Variants in KIF21A observed in about 807,000 individuals in gnomAD.
The protein encoded by KIF21A is kinesin family member 21A, also known as kinesin-like protein KIF21A.
Under a neutral mutation model 202.9 loss-of-function variants are expected in KIF21A, and 114 were observed. The observed-to-expected ratio is 0.56, with a 90% CI of 0.48 to 0.66. The LOEUF (loss-of-function observed/expected upper bound fraction) is 0.66. Among genes scored for constraint, KIF21A ranks in the 30% least tolerant of loss-of-function variants. The pLI is 0.00. For synonymous variants in KIF21A, 667 were observed against 670.8 expected (o/e 0.99, Z 0.09); for missense variants, 1,677 against 1,994.9 (o/e 0.84, Z 3.04).
At chr12:39,318,346 C>A in intron 28 of KIF21A, 145 bp from the exon 29 acceptor site, 1 of 759,130 alleles carries the variant, frequency 1.3e-6, no homozygotes, top group South Asian at 1.7e-5. Flanking sequence ...AGATAAAATG[C>A]ATTCTGAACA....
chr12:39,327,227 G>T (rs1946039940), intron 24 of KIF21A, among the ~76,000 whole-genome samples: 1 of 152,074 alleles, frequency 6.6e-6, no homozygotes, highest in Non-Finnish European at 1.5e-5. Flanking sequence ...GGTAGGCTAT[G>T]GCACCATTAG....
rs1156718883 is a variant in KIF21A at position 39,442,499 on chromosome 12, C to T, written c.44+428G>A. On this transcript the variant is annotated intron_variant, in intron 1 of 37. Transcript: ENST00000361418. The surrounding 1 kb of genome is among the most constrained non-coding windows in gnomAD (Gnocchi z 5.0). Reference sequence around the variant, plus strand: ...TGGGAAGGCCGGAGCTGCATGGACACGTATGACAGACATTCTAGAACTAAT... The same window carrying T: ...TGGGAAGGCCGGAGCTGCATGGACATGTATGACAGACATTCTAGAACTAAT... 6.6e-6 allele frequency among the ~76,000 whole-genome samples: 1 copy of T among 152,122 alleles called. No individual in the cohort carries two copies. Among genetic ancestry groups the T allele is most frequent in the Non-Finnish European group, 1.5e-5 (1 of 68,018 alleles).
In KIF21A at chr12:39,332,669, A is replaced by G; in HGVS notation, c.2778T>C (p.Leu926=). 1 of 1,614,082 alleles carries G rather than the reference A, an allele frequency of 6.2e-7. No individual in the cohort carries two copies. Among genetic ancestry groups the G allele is most frequent in the Admixed American group, 1.7e-5 (1 of 60,004 alleles). The change falls in exon 20 of 38, where the codon CTT becomes CTC. Residue 926 remains leucine, a synonymous_variant. Coordinates refer to ENST00000361418, the MANE Select transcript of KIF21A (RefSeq NM_001173464.2). Reference sequence around the variant, plus strand: ...TGATGATGTCTGTGACCCTGCGCTCAAGGAGCTGCCACTTCATGCGAGCTG... The same window carrying G: ...TGATGATGTCTGTGACCCTGCGCTCGAGGAGCTGCCACTTCATGCGAGCTG... The part of the protein sequence containing the change: ...SKTARMKWQL[L]ERRVTDIIMQ...
chr12:39,426,338 C>T lies in KIF21A; in HGVS notation c.44+16589G>A, dbSNP rs558728962. Among the ~76,000 whole-genome samples the T allele has an allele frequency of 1.1e-4, 17 of 152,200 alleles. 1 individual carries two copies. Among genetic ancestry groups the T allele is most frequent in the African/African-American group, 2.2e-4 (9 of 41,538 alleles). ...ATACACACATGTACACGCATGTATGCGTGTACTCATATCCTTGTATGTGTG... is the reference window on the plus strand; with the variant it reads ...ATACACACATGTACACGCATGTATGTGTGTACTCATATCCTTGTATGTGTG... On this transcript the variant is annotated intron_variant, in intron 1 of 37. Coordinates refer to ENST00000361418, the MANE Select transcript of KIF21A (RefSeq NM_001173464.2).
At chr12:39,427,359 T>C (rs1235857156) in intron 1 of KIF21A, among the ~76,000 whole-genome samples, 1 of 152,206 alleles carries the variant, frequency 6.6e-6, no homozygotes, top group East Asian at 1.9e-4. Flanking sequence ...AGCTGTACTT[T>C]CCAAAATGCC....
chr12:39,325,317 A>G (rs564602507), intron 26 of KIF21A, among the ~76,000 whole-genome samples: 1 of 148,730 alleles, frequency 6.7e-6, no homozygotes, highest in South Asian at 2.1e-4. Flanking sequence ...GTAAAGCCCA[A>G]TTTCCACCAA....
At chr12:39,295,494 C>CA (rs1336400174) in intron 37 of KIF21A, among the ~76,000 whole-genome samples, 1 of 152,044 alleles carries the variant, frequency 6.6e-6, no homozygotes, top group Non-Finnish European at 1.5e-5. Flanking sequence ...TGTAACACAG[C>CA]AAAGGCTTTC....
chr12:39,431,698 A>T (rs950858765), intron 1 of KIF21A, among the ~76,000 whole-genome samples: 2 of 152,240 alleles, frequency 1.3e-5, no homozygotes, highest in East Asian at 3.8e-4. Context: ...GTGAAAAATT[A>T]TGATTAGGTT....
At chr12:39,308,351 G>A (rs891236408) in intron 33 of KIF21A, among the ~76,000 whole-genome samples, 12 of 150,778 alleles carry the variant, frequency 8.0e-5, no homozygotes, top group African/African-American at 2.7e-4. Flanking sequence ...TTGCACCACT[G>A]CACTCCACCC....
chr12:39,439,332 T>C (rs899716854), intron 1 of KIF21A, among the ~76,000 whole-genome samples: 1 of 152,218 alleles, frequency 6.6e-6, no homozygotes, highest in African/African-American at 2.4e-5. Flanking sequence ...TTTAATTATA[T>C]TTTATTTAAC....
At chr12:39,426,265 G>T (rs1387086404) in intron 1 of KIF21A, among the ~76,000 whole-genome samples, 1 of 152,250 alleles carries the variant, frequency 6.6e-6, no homozygotes. Context: ...CTAAATGGAT[G>T]TTATTAACTA....
At chr12:39,305,902 T>C (rs558967472) in intron 34 of KIF21A, among the ~76,000 whole-genome samples, 42 of 152,340 alleles carry the variant, frequency 2.8e-4, no homozygotes, top group African/African-American at 9.4e-4. Flanking sequence ...TAAGTGCATG[T>C]ACATCATATA....
rs775316308 is a variant in KIF21A, at chr12:39,331,589, C to A, written c.3153+101G>T. The A allele has an allele frequency of 6.2e-6, 5 of 807,492 alleles. No individual in the cohort carries two copies. The African/African-American group carries it at 6.7e-5, about 11-fold the overall frequency. The allele number at this position is 807,492 out of a possible 1,614,324, so 50.0% of individuals were successfully genotyped here. On this transcript the variant is annotated intron_variant, in intron 22 of 37. Coordinates refer to ENST00000361418, the MANE Select transcript of KIF21A (RefSeq NM_001173464.2). ...ATACTTTCCAATTATGAATAATCTT[C>A]TTCCTTATTACAAAGCAAAGGGTTA...
rs758912579 is a variant in KIF21A, at chr12:39,367,945, C to G, written c.538G>C (p.Asp180His). The change falls in exon 4 of 38, where the codon GAT becomes CAT. Residue 180 changes from aspartate (D) to histidine (H), a missense_variant. This residue lies in a region of KIF21A where 966 missense variants were observed against 1,180.9 expected (regional missense o/e 0.82). Coordinates refer to ENST00000361418, the MANE Select transcript of KIF21A (RefSeq NM_001173464.2). ...SKKSNIRIHE[D>H]STGGIYTVGV... ...ACAGTATAAATTCCTCCAGTTGAAT[C>G]TTCATGAATTCTTATATTTGATTTT... The G allele has an allele frequency of 2.5e-6, 4 of 1,608,342 alleles. No individual in the cohort carries two copies. The South Asian group carries it at 4.4e-5, about 18-fold the overall frequency.
chr12:39,321,132 C>T (rs990290168), intron 27 of KIF21A, among the ~76,000 whole-genome samples: 6 of 151,960 alleles, frequency 3.9e-5, no homozygotes, highest in African/African-American at 1.5e-4. Context: ...TAAGCATCAC[C>T]TGAGTAAAAT....
intron 1 of KIF21A, among the ~76,000 whole-genome samples, chr12:39,409,681 T>A (rs972401614): frequency 1.3e-5 from 2 of 152,142 alleles, no homozygotes; most frequent in African/African-American, 4.8e-5. Context: ...TTAATTTATA[T>A]GACAAAGGCG....
rs373232064 is a variant in KIF21A, at chr12:39,356,913, A to C, written c.1406-18T>G. Reference sequence around the variant, plus strand: ...TCCTTCACCTGAAAGACAAAATATGAAATAAAAATTTTCCTTTAAATTAAG... The same window carrying C: ...TCCTTCACCTGAAAGACAAAATATGCAATAAAAATTTTCCTTTAAATTAAG... On this transcript the variant is annotated intron_variant, in intron 9 of 37. Coordinates refer to ENST00000361418, the MANE Select transcript of KIF21A (RefSeq NM_001173464.2). The C allele has an allele frequency of 2.1e-3, 2,419 of 1,157,760 alleles. 57 individuals carry two copies. The South Asian group carries it at 0.029, about 14-fold the overall frequency. The allele number at this position is 1,157,760 out of a possible 1,614,324, so 71.7% of individuals were successfully genotyped here. A position where few individuals can be genotyped will look rare whatever the true frequency, so the allele number is the denominator to read the frequency against.
intron 29 of KIF21A, among the ~76,000 whole-genome samples, chr12:39,316,798 G>A (rs1011077989): frequency 2.0e-4 from 30 of 152,082 alleles, no homozygotes; most frequent in African/African-American, 7.0e-4. Flanking sequence ...AAAGTGTAGA[G>A]CAGTCAGTTA....
chr12:39,434,511 G>A (rs1342288585), intron 1 of KIF21A, among the ~76,000 whole-genome samples: 1 of 152,176 alleles, frequency 6.6e-6, no homozygotes, highest in African/African-American at 2.4e-5. Context: ...GCTTTCACAT[G>A]GTTGTCTCGT....
Sources: gnomAD v4.1 joint callset for allele counts (sites outside exome capture counted in the v4.1 genomes callset) on GRCh38, gnomAD v4.1.1 for gene constraint, gnomAD v4.1.1 regional missense constraint, Gnocchi (gnomAD v3.1) non-coding constraint, MANE v1.5 for transcripts, NCBI Gene and HGNC (gene_info 2026-07-23, HGNC 2026-07-21) for gene names.